SGK3: variants seen among roughly 807,000 people sequenced by gnomAD.
The protein encoded by SGK3 is serine/threonine-protein kinase Sgk3.
SGK3 carries 47 observed loss-of-function variants against 68.5 expected under a neutral mutation model. The observed-to-expected ratio is 0.69, with a 90% CI of 0.54 to 0.87. The LOEUF (loss-of-function observed/expected upper bound fraction) is 0.87. SGK3 is among the 40% of genes least tolerant of loss of function. The pLI is 0.00. For synonymous variants in SGK3, 181 were observed against 189.1 expected (o/e 0.96, Z 0.35); for missense variants, 479 against 575.5 (o/e 0.83, Z 1.72).
intron 16 of SGK3, among the ~76,000 whole-genome samples, chr8:66,858,465 C>CA (rs757431787): frequency 0.012 from 1,057 of 86,118 alleles, 7 homozygotes; most frequent in South Asian, 0.025. Flanking sequence ...GACTCTGTCT[C>CA]AAAAAAAAAA....
chr8:66,807,637 A>G (rs917584404), intron 4 of SGK3, among the ~76,000 whole-genome samples: 1 of 152,208 alleles, frequency 6.6e-6, no homozygotes, highest in African/African-American at 2.4e-5. Context: ...TAAGATGCTC[A>G]TTTGGTTATA....
Position 66,860,849 on chromosome 8 carries a change from C to T in SGK3, c.*1268C>T, listed in dbSNP as rs988058289. On this transcript the variant is annotated 3_prime_UTR_variant, in exon 17 of 17. Coordinates refer to ENST00000521198, the MANE Select transcript of SGK3 (RefSeq NM_001033578.3). Reference sequence around the variant, plus strand: ...GGAATTAAAAAGTAAAATAATAGGCCAGGCATGGTGGCTCATGCCTATAAG... The same window carrying T: ...GGAATTAAAAAGTAAAATAATAGGCTAGGCATGGTGGCTCATGCCTATAAG... 6.6e-6 allele frequency: 1 copy of T among 152,032 alleles called. No individual in the cohort carries two copies. The highest frequency in any genetic ancestry group is 6.6e-5 in the Admixed American group (1 of 15,260). 9.4% of individuals were successfully genotyped at this position (152,032 alleles called of 1,614,324 possible).
intron 1 of SGK3, among the ~76,000 whole-genome samples, chr8:66,727,082 T>C (rs1805006512): frequency 6.6e-6 from 1 of 152,120 alleles, no homozygotes; most frequent in Non-Finnish European, 1.5e-5. Flanking sequence ...GTAAAGATGA[T>C]AGAACATGTT....
intron 15 of SGK3, among the ~76,000 whole-genome samples, chr8:66,849,571 C>G (rs997048849): frequency 5.3e-5 from 8 of 151,712 alleles, no homozygotes; most frequent in Non-Finnish European, 1.2e-4. Context: ...TCCCTGTAGC[C>G]AGGGTGATGT....
rs1012425044 is a variant in SGK3 at position 66,813,942 on chromosome 8, G to A, written c.329+14G>A. 4 of 1,572,798 alleles carry A rather than the reference G, an allele frequency of 2.5e-6. No individual in the cohort carries two copies. Among genetic ancestry groups the A allele is most frequent in the East Asian group, 2.3e-5 (1 of 42,656 alleles). On this transcript the variant is annotated intron_variant, in intron 5 of 16. Coordinates refer to ENST00000521198, the MANE Select transcript of SGK3 (RefSeq NM_001033578.3). Reference sequence around the variant, plus strand: ...ACTTTATAACCAGTAAGTAATTTTTGTTGCGTTCTAAAGGGACATTAAAAC... The same window carrying A: ...ACTTTATAACCAGTAAGTAATTTTTATTGCGTTCTAAAGGGACATTAAAAC...
intron 5 of SGK3, among the ~76,000 whole-genome samples, chr8:66,821,677 T>TC: frequency 2.5e-5 from 1 of 39,748 alleles, no homozygotes; most frequent in African/African-American, 9.0e-5. Flanking sequence ...CACGCCCGGC[T>TC]ATTTTTTTTT....
intron 1 of SGK3, among the ~76,000 whole-genome samples, chr8:66,777,747 G>A (rs1413262307): frequency 6.6e-6 from 1 of 152,070 alleles, no homozygotes; most frequent in Admixed American, 6.5e-5. Flanking sequence ...CTGACATTCA[G>A]AATTCCCTAC....
intron 1 of SGK3, among the ~76,000 whole-genome samples, chr8:66,721,210 T>G (rs980529585): frequency 9.8e-5 from 15 of 152,326 alleles, no homozygotes; most frequent in Admixed American, 2.0e-4. Context: ...CATCGGTCTG[T>G]GCTGACATCT....
At chr8:66,729,969 C>T (rs971396632) in intron 1 of SGK3, among the ~76,000 whole-genome samples, 18 of 152,146 alleles carry the variant, frequency 1.2e-4, no homozygotes, top group African/African-American at 2.2e-4. Flanking sequence ...TTCAAACTCT[C>T]GACCTCAGGT....
chr8:66,839,759 A>C, intron 10 of SGK3: 1 of 406,986 alleles, frequency 2.5e-6, no homozygotes, highest in Non-Finnish European at 4.4e-6. Flanking sequence ...TAAGTAGTAA[A>C]TGGGAGATGA....
chr8:66,820,849 G>A (rs1808782076), intron 5 of SGK3, among the ~76,000 whole-genome samples: 1 of 152,048 alleles, frequency 6.6e-6, no homozygotes, highest in Non-Finnish European at 1.5e-5. Flanking sequence ...GATGACAGGT[G>A]CACACCATCA....
At chr8:66,819,796 GTTTTTGTTTTTGT>G (rs1585765223) in intron 5 of SGK3, among the ~76,000 whole-genome samples, 1 of 149,408 alleles carries the variant, frequency 6.7e-6, no homozygotes, top group East Asian at 2.0e-4. Context: ...TGTTTTTTTT[GTTTTTGTTTTTGT>G]TTTTTGTTTT....
At chr8:66,799,529 A>G (rs1423381083) in intron 3 of SGK3, among the ~76,000 whole-genome samples, 3 of 152,244 alleles carry the variant, frequency 2.0e-5, no homozygotes, top group African/African-American at 7.2e-5. Flanking sequence ...ACTAATAGCT[A>G]TTATGGAACT....
At chr8:66,764,226 A>AT (rs1806252424) in intron 1 of SGK3, among the ~76,000 whole-genome samples, 1 of 152,058 alleles carries the variant, frequency 6.6e-6, no homozygotes, top group East Asian at 1.9e-4. Context: ...AGAGTTTAAG[A>AT]TTTTTTTATA....
At chr8:66,767,276 A>G (rs1806347654) in intron 1 of SGK3, 1 of 635,128 alleles carries the variant, frequency 1.6e-6, no homozygotes, top group Non-Finnish European at 2.7e-6. Context: ...ATTAGTTATA[A>G]CTCCTGTTTT....
chr8:66,720,560 A>C (rs1326895688), intron 1 of SGK3, among the ~76,000 whole-genome samples: 1 of 151,776 alleles, frequency 6.6e-6, no homozygotes. Context: ...ACCTGAGGTT[A>C]GGAGTTTGAG....
At chr8:66,734,228 C>CT (rs529741200) in intron 1 of SGK3, among the ~76,000 whole-genome samples, 3,410 of 104,198 alleles carry the variant, frequency 0.033, 49 homozygotes, top group East Asian at 0.063. Flanking sequence ...CTTTTTCTTT[C>CT]TTTTTTTTTT....
rs1229831492 is a variant in SGK3, at chr8:66,839,998, G to A, written c.742-5G>A. 3.1e-6 allele frequency: 5 copies of A among 1,611,268 alleles called. 1 individual carries two copies. In the South Asian group the frequency reaches 5.5e-5, roughly 18 times the overall value. ...CTCCCCCCACCCCCACAACCAATTT[G>A]ACAGCTTTTTTTCCACTTACAAAGA... On this transcript the variant is annotated splice_region_variant and splice_polypyrimidine_tract_variant and intron_variant, in intron 10 of 16. Transcript: ENST00000521198.
chr8:66,802,358 A>T (rs1202505609), intron 3 of SGK3, among the ~76,000 whole-genome samples: 1 of 152,190 alleles, frequency 6.6e-6, no homozygotes, highest in Non-Finnish European at 1.5e-5. Flanking sequence ...TGTGTCCTTT[A>T]TGACTAGTTT....
Sources: gnomAD v4.1 joint callset for allele counts (sites outside exome capture counted in the v4.1 genomes callset) on GRCh38, gnomAD v4.1.1 for gene constraint, MANE v1.5 for transcripts, NCBI Gene and HGNC (gene_info 2026-07-23, HGNC 2026-07-21) for gene names.